NCR3LG1: variants seen among roughly 807,000 people sequenced by gnomAD.
The protein encoded by NCR3LG1 is natural cytotoxicity triggering receptor 3 ligand 1.
A neutral mutation model predicts 34.8 loss-of-function variants in NCR3LG1; 35 were observed. The observed-to-expected ratio is 1.01, with a 90% CI of 0.77 to 1.33. The LOEUF is 1.33. Among genes scored for constraint, NCR3LG1 ranks in the 40% most tolerant of loss-of-function variants. The pLI, the probability that NCR3LG1 is intolerant of heterozygous loss-of-function variation, is 0.00. For missense variants in NCR3LG1, 452 were observed against 423.3 expected (o/e 1.07, Z -0.60); for synonymous variants, 173 against 163.6 (o/e 1.06, Z -0.44).
intron 2 of NCR3LG1, 124 bp from the exon 3 acceptor site, chr11:17,366,885 C>T: frequency 1.5e-6 from 1 of 676,808 alleles, no homozygotes; most frequent in Non-Finnish European, 2.5e-6. Flanking sequence ...TGTTTTTTGT[C>T]TTATCTGGCT....
rs563587587 is a variant in NCR3LG1, at chr11:17,365,721, T to C, written c.422-1288T>C. The stretch of plus-strand genomic sequence containing the variant: ...GTGGGGTTCCTGGAAGTAAAACTCA[T>C]GACAGTGTGATAGCATCCCCAAGAC... On this transcript the variant is annotated intron_variant, in intron 2 of 4. Coordinates refer to ENST00000338965, the MANE Select transcript of NCR3LG1 (RefSeq NM_001202439.3). 7.1e-3 allele frequency among the ~76,000 whole-genome samples: 1,079 copies of C among 152,262 alleles called. 15 individuals are homozygous for C. Among genetic ancestry groups the C allele is most frequent in the African/African-American group, 0.025 (1,020 of 41,540 alleles).
At chr11:17,358,811 C>A (rs1294090613) in intron 2 of NCR3LG1, among the ~76,000 whole-genome samples, 1 of 152,128 alleles carries the variant, frequency 6.6e-6, no homozygotes, top group Non-Finnish European at 1.5e-5. Context: ...TGTTATAATG[C>A]AATACTACTT....
At chr11:17,366,789 C>T (rs893367837) in intron 2 of NCR3LG1, among the ~76,000 whole-genome samples, 1 of 152,180 alleles carries the variant, frequency 6.6e-6, no homozygotes, top group Non-Finnish European at 1.5e-5. Context: ...TCCCTCCCTA[C>T]CCTTAAGGAG....
rs531787845 is a variant in NCR3LG1, at chr11:17,372,386, C to G, written c.1239C>G (p.His413Gln). 2.8e-6 allele frequency: 2 copies of G among 703,154 alleles called. No homozygotes were observed. Among genetic ancestry groups the G allele is most frequent in the Admixed American group, 2.0e-5 (1 of 50,004 alleles). 43.6% of individuals were successfully genotyped at this position (703,154 alleles called of 1,614,324 possible). A position where few individuals can be genotyped will look rare whatever the true frequency, so the allele number is the denominator to read the frequency against. Residue 413 changes from histidine (H) to glutamine (Q), a missense_variant, in exon 5 of 5, where the codon CAC becomes CAG. His to Gln is a conservative substitution (Grantham distance 24). Coordinates refer to ENST00000338965, the MANE Select transcript of NCR3LG1 (RefSeq NM_001202439.3). ...CTGAGAAACAAACCCCTAGGGAACA[C>G]TCGGATGCAGTTCCGGATGCCCCAA... is the stretch of plus-strand genomic sequence containing the variant. ...TKSEKQTPRE[H>Q]SDAVPDAPIL...
rs562204471 is a variant in NCR3LG1, at chr11:17,373,638, C to G, written c.*1126C>G. 1 of 152,358 alleles carries G rather than the reference C, an allele frequency of 6.6e-6. No homozygotes were observed. Among genetic ancestry groups the G allele is most frequent in the South Asian group, 2.1e-4 (1 of 4,824 alleles). The allele number at this position is 152,358 out of a possible 1,614,324, so 9.4% of individuals were successfully genotyped here. On this transcript the variant is annotated 3_prime_UTR_variant, in exon 5 of 5. Coordinates refer to ENST00000338965, the MANE Select transcript of NCR3LG1 (RefSeq NM_001202439.3). Reference sequence around the variant, plus strand: ...ACTGGAGCCAGGCTTCTGTTTTCCTCTCCAATTCAGGCCTTCGTTCCTCCC... The same window carrying G: ...ACTGGAGCCAGGCTTCTGTTTTCCTGTCCAATTCAGGCCTTCGTTCCTCCC...
rs755536037 is a variant in NCR3LG1 at position 17,372,219 on chromosome 11, G to A, written c.1072G>A (p.Glu358Lys). ...IQQLDVFCRQ[E>K]GKWSEVPYVQ... is the part of the protein sequence containing the mutation. ...ACAACTAGATGTTTTCTGCAGACAG[G>A]AGGGCAAATGGTCCGAGGTTCCTTA... Residue 358 changes from glutamate (E) to lysine (K), a missense_variant, in exon 5 of 5, where the codon GAG (glutamate) becomes AAG (lysine). By Grantham distance (56) the Glu-to-Lys change is moderately conservative (BLOSUM62 1). Coordinates refer to ENST00000338965, the MANE Select transcript of NCR3LG1 (RefSeq NM_001202439.3). 6 of 702,958 alleles carry A rather than the reference G, an allele frequency of 8.5e-6. No homozygotes were observed. In the South Asian group the frequency reaches 8.9e-5, roughly 10 times the overall value. 43.5% of individuals were successfully genotyped at this position (702,958 alleles called of 1,614,324 possible).
chr11:17,377,589 A>C (rs1338802271), downstream of NCR3LG1, among the ~76,000 whole-genome samples: 2 of 152,226 alleles, frequency 1.3e-5, no homozygotes, highest in African/African-American at 4.8e-5. Flanking sequence ...CTGAGTATAG[A>C]TATCCCCATC....
chr11:17,359,948 A>C (rs1368999806), intron 2 of NCR3LG1, among the ~76,000 whole-genome samples: 1 of 150,686 alleles, frequency 6.6e-6, no homozygotes, highest in Non-Finnish European at 1.5e-5. Flanking sequence ...TTGTGTGTTC[A>C]TTGGTTGTCC....
chr11:17,359,695 A>G lies in NCR3LG1; in HGVS notation c.421+2694A>G, dbSNP rs1053503817. 4.6e-5 allele frequency among the ~76,000 whole-genome samples: 7 copies of G among 152,048 alleles called. No individual in the cohort carries two copies. In the South Asian group the frequency reaches 1.0e-3, roughly 23 times the overall value. Reference sequence around the variant, plus strand: ...CCTGGCTAATTTTTGTATTTTTAGTAGAGATGGGGTCTCACCATGTTGGCC... The same window carrying G: ...CCTGGCTAATTTTTGTATTTTTAGTGGAGATGGGGTCTCACCATGTTGGCC... On this transcript the variant is annotated intron_variant, in intron 2 of 4. Transcript: ENST00000338965.
chr11:17,361,288 C>T (rs953721211), intron 2 of NCR3LG1, among the ~76,000 whole-genome samples: 1 of 129,596 alleles, frequency 7.7e-6, no homozygotes, highest in Non-Finnish European at 1.6e-5. Context: ...GAAAAATTGA[C>T]ATTTTTTTTT....
rs558601014 is a variant in NCR3LG1, at chr11:17,360,932, C to T, written c.421+3931C>T. ...TTGTATTTTTGTAGAGATAGAGTTTCGCCGTGTAGCCCAGGCTGGTCTGGA... is the reference window on the plus strand; with the variant it reads ...TTGTATTTTTGTAGAGATAGAGTTTTGCCGTGTAGCCCAGGCTGGTCTGGA... On this transcript the variant is annotated intron_variant, in intron 2 of 4. Coordinates refer to ENST00000338965, the MANE Select transcript of NCR3LG1 (RefSeq NM_001202439.3). 1.3e-4 allele frequency among the ~76,000 whole-genome samples: 20 copies of T among 152,088 alleles called. 1 individual carries two copies. In the South Asian group the frequency reaches 2.9e-3, roughly 22 times the overall value.
At chr11:17,371,743 G>A (rs1281151571) in intron 4 of NCR3LG1, among the ~76,000 whole-genome samples, 1 of 152,188 alleles carries the variant, frequency 6.6e-6, no homozygotes, top group Non-Finnish European at 1.5e-5. Context: ...AATCTCAGGA[G>A]CCTTATGGGC....
In NCR3LG1 at chr11:17,351,875, C is replaced by T. The variant is rs1292633120; in HGVS notation, c.-95C>T. ...GAAATCCCGGCTGTGTCTCCGTCAA[C>T]TCTTTACGCAACAGAGGTCTCCCCC... On this transcript the variant is annotated 5_prime_UTR_variant, in exon 1 of 5. Transcript: ENST00000338965. 1 of 978,866 alleles carries T rather than the reference C, an allele frequency of 1.0e-6. No individual in the cohort carries two copies. The highest frequency in any genetic ancestry group is 2.8e-5 in the East Asian group (1 of 36,312). The allele number at this position is 978,866 out of a possible 1,614,324, so 60.6% of individuals were successfully genotyped here.
chr11:17,377,859 T>TATCTA (rs1250445272), downstream of NCR3LG1, among the ~76,000 whole-genome samples: 2 of 152,186 alleles, frequency 1.3e-5, no homozygotes, highest in African/African-American at 4.8e-5. Flanking sequence ...GCCTAGCGTC[T>TATCTA]TTTCTAGTGA....
chr11:17,354,678 C>G (rs1156983121), intron 1 of NCR3LG1, among the ~76,000 whole-genome samples: 1 of 148,324 alleles, frequency 6.7e-6, no homozygotes, highest in African/African-American at 2.5e-5. Context: ...GGGAAGCATA[C>G]TGTTTTTTTG....
chr11:17,356,842 G>A lies in NCR3LG1; in HGVS notation c.262G>A (p.Ala88Thr). The A allele has an allele frequency of 6.5e-7, 1 of 1,536,146 alleles. No individual in the cohort carries two copies. Among genetic ancestry groups the A allele is most frequent in the Non-Finnish European group, 8.7e-7 (1 of 1,146,912 alleles). The change falls in exon 2 of 5, where the codon GCA (alanine) becomes ACA (threonine). Residue 88 changes from alanine (A) to threonine (T), a missense_variant. Physicochemically the swap from Ala to Thr is moderately conservative, Grantham distance 58 (BLOSUM62 0). Transcript: ENST00000338965. ...TGAATTTTTTGGAGATCACCAAGAG[G>A]CATTCCGACCTGGAGCCATTGTGTC... ...VFEFFGDHQEAFRPGAIVSPW... is the reference protein window; with the variant it reads ...VFEFFGDHQETFRPGAIVSPW...
chr11:17,365,025 A>G (rs1953329359), intron 2 of NCR3LG1, among the ~76,000 whole-genome samples: 1 of 152,132 alleles, frequency 6.6e-6, no homozygotes, highest in African/African-American at 2.4e-5. Context: ...TAACATTTTA[A>G]TTATAGTTTT....
At chr11:17,352,173 TCTC>T (rs1336508241) in intron 1 of NCR3LG1, 134 bp downstream of exon 1, 26 of 486,694 alleles carry the variant, frequency 5.3e-5, no homozygotes, top group Non-Finnish European at 7.7e-5. Flanking sequence ...TTCTATTTCT[TCTC>T]CTTTTTTTTT....
At position 17,368,921 on chromosome 11, in the gene NCR3LG1, G is replaced by A; in HGVS notation, c.815G>A (p.Gly272Asp). 6.5e-7 allele frequency: 1 copy of A among 1,535,436 alleles called. No individual in the cohort carries two copies. Among genetic ancestry groups the A allele is most frequent in the Non-Finnish European group, 8.7e-7 (1 of 1,146,228 alleles). Residue 272 changes from glycine to aspartate, a missense_variant, in exon 4 of 5, where the codon GGT (glycine) becomes GAT (aspartate). Gly to Asp is a moderately conservative substitution (Grantham distance 94). Transcript: ENST00000338965. Reference protein sequence around the residue: ...SIHWWPISFIGVGLVLLIVLI... With the variant: ...SIHWWPISFIDVGLVLLIVLI... ...CATTGGTGGCCTATTTCATTCATTG[G>A]TGTTGGACTGGTTTTATTAATTGTT...
Sources: gnomAD v4.1 joint callset for allele counts (sites outside exome capture counted in the v4.1 genomes callset) on GRCh38, gnomAD v4.1.1 for gene constraint, MANE v1.5 for transcripts, NCBI Gene and HGNC (gene_info 2026-07-23, HGNC 2026-07-21) for gene names.